The following FAM13A variants were observed in gnomAD, a reference collection of about 807,000 sequenced individuals.
The protein encoded by FAM13A is family with sequence similarity 13 member A.
Under a neutral mutation model 129.6 loss-of-function variants are expected in FAM13A, and 76 were observed. That is an observed-to-expected ratio of 0.59 (90% CI 0.49 to 0.71). FAM13A has a LOEUF of 0.71. Ranked by LOEUF, FAM13A falls within the 30% of genes least tolerant of loss-of-function variation. The probability of loss-of-function intolerance (pLI) is 0.00; values close to 1 mark genes in which losing one functional copy is unlikely to be tolerated. For synonymous variants in FAM13A, 443 were observed against 449.9 expected, an observed-to-expected ratio of 0.98 and a Z score of 0.20; for missense variants, 1,108 against 1,249.3, an observed-to-expected ratio of 0.89 and a Z score of 1.70.
chr4:89,042,202 T>TA (rs1457557254), intron 1 of FAM13A, among the ~76,000 whole-genome samples: 28 of 151,968 alleles, frequency 1.8e-4, no homozygotes, highest in Admixed American at 5.9e-4. Context: ...AGATCACAGA[T>TA]ACAATGACCA....
intron 19 of FAM13A, among the ~76,000 whole-genome samples, chr4:88,740,000 G>C (rs1739893021): frequency 6.6e-6 from 1 of 152,092 alleles, no homozygotes; most frequent in Admixed American, 6.6e-5. Flanking sequence ...GCAGTGGGGA[G>C]GAATCATACT....
At chr4:88,841,385 T>C (rs1008991423) in intron 7 of FAM13A, among the ~76,000 whole-genome samples, 1 of 150,518 alleles carries the variant, frequency 6.6e-6, no homozygotes, top group African/African-American at 2.5e-5. Context: ...TCCCAGCTAC[T>C]CAGGAGGCTG....
intron 6 of FAM13A, among the ~76,000 whole-genome samples, chr4:88,881,213 A>G (rs1011123796): frequency 2.0e-5 from 3 of 152,212 alleles, no homozygotes; most frequent in Admixed American, 1.3e-4. Context: ...AAGGACTCTC[A>G]CAGAGCTCAC....
At chr4:88,910,527 C>A (rs1748920711) in intron 5 of FAM13A, among the ~76,000 whole-genome samples, 1 of 152,088 alleles carries the variant, frequency 6.6e-6, no homozygotes, top group Non-Finnish European at 1.5e-5. Flanking sequence ...TCCCAGGATG[C>A]CACCTGGGAA....
chr4:88,959,834 G>A (rs908419136), intron 4 of FAM13A, among the ~76,000 whole-genome samples: 3 of 152,078 alleles, frequency 2.0e-5, no homozygotes, highest in African/African-American at 2.4e-5. Context: ...CTCTTGTGGC[G>A]GTAAGGGGGT....
chr4:88,929,975 G>A (rs561895583), intron 5 of FAM13A, among the ~76,000 whole-genome samples: 1 of 152,190 alleles, frequency 6.6e-6, no homozygotes, highest in South Asian at 2.1e-4. Context: ...CTATGCTCAA[G>A]TGATCCTCCT....
At chr4:88,895,592 A>G (rs1437329140) in intron 6 of FAM13A, among the ~76,000 whole-genome samples, 2 of 149,152 alleles carry the variant, frequency 1.3e-5, no homozygotes, top group Non-Finnish European at 3.0e-5. Context: ...AAACAACCCC[A>G]TCAAAAAGTG....
intron 3 of FAM13A, among the ~76,000 whole-genome samples, chr4:88,998,691 ATTTC>A (rs1763870977): frequency 6.6e-6 from 1 of 152,238 alleles, no homozygotes; most frequent in African/African-American, 2.4e-5. Context: ...CATGAATTAT[ATTTC>A]TTTCTAAATA....
intron 7 of FAM13A, among the ~76,000 whole-genome samples, chr4:88,817,318 T>C (rs1477910740): frequency 6.6e-6 from 1 of 152,080 alleles, no homozygotes; most frequent in Non-Finnish European, 1.5e-5. Flanking sequence ...ATCCCAGCAT[T>C]TTGGGAGGCT....
At chr4:88,873,470 T>A (rs1245443817) in intron 6 of FAM13A, among the ~76,000 whole-genome samples, 1 of 152,086 alleles carries the variant, frequency 6.6e-6, no homozygotes, top group Admixed American at 6.5e-5. Context: ...TCACCACCGA[T>A]CCCACAGAAA....
chr4:88,824,128 C>A (rs1474586152), intron 7 of FAM13A, among the ~76,000 whole-genome samples: 5 of 151,990 alleles, frequency 3.3e-5, no homozygotes, highest in Admixed American at 2.6e-4. Flanking sequence ...TTTTTAGGAA[C>A]ATAAATCCTA....
chr4:88,771,988 G>A (rs554875604), intron 11 of FAM13A, among the ~76,000 whole-genome samples: 11 of 152,112 alleles, frequency 7.2e-5, no homozygotes, highest in Non-Finnish European at 8.8e-5. Context: ...CTCCCTCTCC[G>A]TGTTGGCATT....
At chr4:88,821,559 A>G (rs997787291) in intron 7 of FAM13A, among the ~76,000 whole-genome samples, 1 of 152,298 alleles carries the variant, frequency 6.6e-6, no homozygotes, top group East Asian at 1.9e-4. Context: ...AGAGCATCAC[A>G]TGGCTGGCTA....
chr4:89,038,407 A>G (rs901887755), intron 1 of FAM13A, among the ~76,000 whole-genome samples: 1 of 152,140 alleles, frequency 6.6e-6, no homozygotes, highest in African/African-American at 2.4e-5. Context: ...CACCAAATAA[A>G]AGTAGTGCAA....
At chr4:89,037,481 A>G (rs1434923755) in intron 1 of FAM13A, among the ~76,000 whole-genome samples, 1 of 151,518 alleles carries the variant, frequency 6.6e-6, no homozygotes, top group East Asian at 1.9e-4. Context: ...AAAAACAACA[A>G]CTTGGTTTTG....
chr4:88,837,782 A>G (rs1424922384), intron 7 of FAM13A, among the ~76,000 whole-genome samples: 1 of 151,818 alleles, frequency 6.6e-6, no homozygotes, highest in Non-Finnish European at 1.5e-5. Context: ...ATTTTTAAAC[A>G]GTGATAAATA....
intron 7 of FAM13A, among the ~76,000 whole-genome samples, chr4:88,830,054 T>A (rs1733626918): frequency 6.6e-6 from 1 of 152,198 alleles, no homozygotes; most frequent in South Asian, 2.1e-4. Flanking sequence ...GGCTACACAG[T>A]CTTACATAAT....
intron 3 of FAM13A, among the ~76,000 whole-genome samples, chr4:88,999,205 A>C (rs1040294470): frequency 1.3e-5 from 2 of 152,172 alleles, no homozygotes; most frequent in African/African-American, 4.8e-5. Context: ...CAAACTCCTG[A>C]TAATGCCTAA....
At chr4:88,993,225 T>C (rs1448308062) in intron 3 of FAM13A, among the ~76,000 whole-genome samples, 1 of 152,146 alleles carries the variant, frequency 6.6e-6, no homozygotes, top group Non-Finnish European at 1.5e-5. Context: ...TAAGTTGGAG[T>C]GATTAAGAAC....
Sources: gnomAD v4.1 joint callset for allele counts (sites outside exome capture counted in the v4.1 genomes callset) on GRCh38, gnomAD v4.1.1 for gene constraint, MANE v1.5 for transcripts, NCBI Gene and HGNC (gene_info 2026-07-23, HGNC 2026-07-21) for gene names.